The following MTHFD2L variants were observed in gnomAD, a reference collection of about 807,000 sequenced individuals.
MTHFD2L encodes the protein bifunctional methylenetetrahydrofolate dehydrogenase/cyclohydrolase 2, mitochondrial.
A neutral mutation model predicts 34.9 loss-of-function variants in MTHFD2L; 29 were observed. The ratio of observed to expected loss-of-function variants is 0.83; its 90% CI spans 0.62 to 1.13. The LOEUF is 1.13. MTHFD2L is among the 50% of genes most tolerant of loss of function. MTHFD2L has a pLI of 0.00. For missense variants in MTHFD2L, 481 were observed against 446.5 expected (o/e 1.08, Z -0.70); for synonymous variants, 167 against 155.7 (o/e 1.07, Z -0.54).
chr4:74,126,911 C>T (rs1030296067), intron 1 of MTHFD2L, among the ~76,000 whole-genome samples: 3 of 152,022 alleles, frequency 2.0e-5, no homozygotes, highest in South Asian at 2.1e-4. Context: ...CCCCATGTGT[C>T]GAGGAAGGGA....
At chr4:74,256,972 A>AT (rs909849794) in intron 6 of MTHFD2L, among the ~76,000 whole-genome samples, 8 of 151,562 alleles carry the variant, frequency 5.3e-5, no homozygotes, top group African/African-American at 7.3e-5. Flanking sequence ...GGATTTTAGA[A>AT]TTTTTTTTTC....
intron 1 of MTHFD2L, among the ~76,000 whole-genome samples, chr4:74,137,704 T>C (rs1354546815): frequency 6.6e-6 from 1 of 152,148 alleles, no homozygotes; most frequent in African/African-American, 2.4e-5. Context: ...TAGAATCAAT[T>C]TAAGTGCCCA....
At chr4:74,181,267 G>T (rs779188862) in intron 3 of MTHFD2L, among the ~76,000 whole-genome samples, 1 of 152,000 alleles carries the variant, frequency 6.6e-6, no homozygotes, top group South Asian at 2.1e-4. Flanking sequence ...ATTTTAATAT[G>T]GTATTTCACA....
intron 6 of MTHFD2L, among the ~76,000 whole-genome samples, chr4:74,234,796 A>AGTGTGTGTGT (rs139133412): frequency 0.015 from 2,311 of 149,514 alleles, 20 homozygotes; most frequent in Non-Finnish European, 0.017. Context: ...AAAAGGAGAC[A>AGTGTGTGTGT]GTGTGTGTGT....
At chr4:74,187,602 T>C (rs1731540009) in intron 3 of MTHFD2L, among the ~76,000 whole-genome samples, 1 of 152,160 alleles carries the variant, frequency 6.6e-6, no homozygotes, top group Non-Finnish European at 1.5e-5. Context: ...AATTAAAATA[T>C]CAACTGACTA....
chr4:74,268,916 A>G (rs1179078402), intron 6 of MTHFD2L, among the ~76,000 whole-genome samples: 1 of 152,132 alleles, frequency 6.6e-6, no homozygotes, highest in Non-Finnish European at 1.5e-5. Context: ...ATTTTTTTCT[A>G]TGTTACCTTT....
chr4:74,177,479 A>G (rs28716198), intron 3 of MTHFD2L, among the ~76,000 whole-genome samples: 45 of 152,144 alleles, frequency 3.0e-4, no homozygotes, highest in Middle Eastern at 6.8e-3. Flanking sequence ...AAGAGAAGAC[A>G]TACAAATGGC....
chr4:74,195,834 C>A, intron 3 of MTHFD2L: 1 of 154,236 alleles, frequency 6.5e-6, no homozygotes, highest in South Asian at 1.8e-4. Flanking sequence ...TCTTCCAGGT[C>A]ACAGGTAGGT....
intron 6 of MTHFD2L, among the ~76,000 whole-genome samples, chr4:74,259,267 A>G (rs1303715472): frequency 1.3e-5 from 2 of 152,122 alleles, no homozygotes; most frequent in East Asian, 3.8e-4. Context: ...GTAGCACTCC[A>G]TTTTCCCACC....
intron 6 of MTHFD2L, chr4:74,268,387 T>A (rs959694272): frequency 2.4e-6 from 1 of 408,778 alleles, no homozygotes; most frequent in African/African-American, 2.2e-5. Context: ...AGCATTTCCA[T>A]GGTGTTCCTT....
At position 74,286,655 on chromosome 4, in the gene MTHFD2L, G is replaced by T. The variant is rs114064944; in HGVS notation, c.931+5105G>T. 2.3e-3 allele frequency among the ~76,000 whole-genome samples: 356 copies of T among 152,256 alleles called. 2 individuals are homozygous for T. The highest frequency in any genetic ancestry group is 8.0e-3 in the African/African-American group (334 of 41,544). ...AATTCAATTAACCATGCTCTTATGG[G>T]TGAATTCTTGGGCCTCATTTACTTC... On this transcript the variant is annotated intron_variant, in intron 7 of 7. Transcript: ENST00000325278.
At chr4:74,299,073 TC>T (rs754160237) in intron 7 of MTHFD2L, among the ~76,000 whole-genome samples, 38 of 152,098 alleles carry the variant, frequency 2.5e-4, no homozygotes, top group Admixed American at 1.8e-3. Context: ...ACTATTTTTT[TC>T]ATAGACAAAT....
chr4:74,141,545 A>G (rs1429729538), intron 1 of MTHFD2L, among the ~76,000 whole-genome samples: 1 of 152,152 alleles, frequency 6.6e-6, no homozygotes, highest in East Asian at 1.9e-4. Flanking sequence ...CAGTCTTCTA[A>G]CCCTCCAAGG....
intron 6 of MTHFD2L, among the ~76,000 whole-genome samples, chr4:74,254,698 G>T (rs1366178587): frequency 6.6e-6 from 1 of 151,890 alleles, no homozygotes; most frequent in African/African-American, 2.4e-5. Flanking sequence ...ATAAAAACAG[G>T]TATAAAACTC....
chr4:74,137,811 G>A (rs568488143), intron 1 of MTHFD2L, among the ~76,000 whole-genome samples: 39 of 152,116 alleles, frequency 2.6e-4, no homozygotes, highest in African/African-American at 9.4e-4. Context: ...TCAGCAACAT[G>A]GATGGAACTT....
At chr4:74,138,540 C>A (rs1347482507) in intron 1 of MTHFD2L, among the ~76,000 whole-genome samples, 1 of 152,164 alleles carries the variant, frequency 6.6e-6, no homozygotes, top group African/African-American at 2.4e-5. Flanking sequence ...TAGGACAAAC[C>A]TGGGCACTTA....
Position 74,175,369 on chromosome 4 carries a change from A to T in MTHFD2L, c.417A>T (p.Arg139Ser). The T allele has an allele frequency of 3.1e-6, 5 of 1,612,878 alleles. No homozygotes were observed. Among genetic ancestry groups the T allele is most frequent in the Non-Finnish European group, 4.2e-6 (5 of 1,179,234 alleles). ...DVTDQLNMDP[R>S]VSGILVQLPL... ...CTGATCAATTGAATATGGACCCAAG[A>T]GTCAGCGGTATATTAGTTCAGTTAC... Residue 139 changes from arginine (R) to serine (S), a missense_variant, in exon 3 of 8, where the codon AGA becomes AGT. Arg to Ser is a moderately radical substitution (Grantham distance 110). Coordinates refer to ENST00000325278, the MANE Select transcript of MTHFD2L (RefSeq NM_001144978.3).
intron 1 of MTHFD2L, among the ~76,000 whole-genome samples, chr4:74,128,985 C>T (rs1040028309): frequency 2.0e-5 from 3 of 152,016 alleles, no homozygotes; most frequent in Non-Finnish European, 4.4e-5. Context: ...TCCTTTATTA[C>T]CATCTTCCTT....
intron 6 of MTHFD2L, among the ~76,000 whole-genome samples, chr4:74,255,698 T>G (rs1274268345): frequency 6.6e-6 from 1 of 152,200 alleles, no homozygotes; most frequent in East Asian, 1.9e-4. Context: ...TTTATGTTCA[T>G]GATTACCTAA....
Sources: allele counts gnomAD v4.1 joint callset (sites outside exome capture counted in the v4.1 genomes callset), GRCh38; gene constraint gnomAD v4.1.1; transcripts MANE v1.5; gene names NCBI Gene and HGNC (gene_info 2026-07-23, HGNC 2026-07-21).